GRM7: variants seen among roughly 807,000 people sequenced by gnomAD.
The protein encoded by GRM7 is metabotropic glutamate receptor 7.
A neutral mutation model predicts 84.5 loss-of-function variants in GRM7; 35 were observed. The ratio of observed to expected loss-of-function variants is 0.41; its 90% confidence interval spans 0.32 to 0.55. The LOEUF is 0.55. Ranked by LOEUF, GRM7 falls within the 20% of genes least tolerant of loss-of-function variation. The probability of loss-of-function intolerance (pLI) is 0.19; values close to 1 mark genes in which losing one functional copy is unlikely to be tolerated. For synonymous variants in GRM7, 487 were observed against 455.1 expected, an observed-to-expected ratio of 1.07 and a Z score of -0.89; for missense variants, 1,003 against 1,194.6, an observed-to-expected ratio of 0.84 and a Z score of 2.36.
At chr3:7,502,757 A>G (rs1228790015) in intron 7 of GRM7, among the ~76,000 whole-genome samples, 1 of 152,210 alleles carries the variant, frequency 6.6e-6, no homozygotes, top group African/African-American at 2.4e-5. Context: ...CTACTGGTCA[A>G]TAAGTAGCTA....
In GRM7 at chr3:7,321,935, C is replaced by T. The variant is rs551800977; in HGVS notation, c.1033+15283C>T. ...CTATGGTTAGGTTACACCTGGCCTC[C>T]ATATGTCAACATCAGTGTGAATGGC... On this transcript the variant is annotated intron_variant, in intron 4 of 9. Coordinates refer to ENST00000357716, the MANE Select transcript of GRM7 (RefSeq NM_000844.4). Among the ~76,000 whole-genome samples, 8 of 152,182 alleles carry T rather than the reference C, an allele frequency of 5.3e-5. No individual in the cohort carries two copies. The East Asian group carries it at 1.4e-3, about 26-fold the overall frequency.
At chr3:7,220,919 C>G (rs1351345139) in intron 2 of GRM7, among the ~76,000 whole-genome samples, 5 of 151,984 alleles carry the variant, frequency 3.3e-5, no homozygotes, top group African/African-American at 1.2e-4. Context: ...ATGGTGAAAC[C>G]CTGTCTCTAC....
intron 7 of GRM7, among the ~76,000 whole-genome samples, chr3:7,540,620 T>G (rs1164603299): frequency 1.3e-5 from 2 of 152,222 alleles, no homozygotes; most frequent in African/African-American, 4.8e-5. Flanking sequence ...TTTGCAGTGA[T>G]GAAATGTTCT....
intron 1 of GRM7, among the ~76,000 whole-genome samples, chr3:6,869,414 G>A (rs1178367984): frequency 6.6e-6 from 1 of 152,146 alleles, no homozygotes; most frequent in Non-Finnish European, 1.5e-5. Context: ...CTATGTTAAA[G>A]TTATCAGATG....
At chr3:6,879,722 T>C (rs1319500185) in intron 1 of GRM7, among the ~76,000 whole-genome samples, 1 of 152,202 alleles carries the variant, frequency 6.6e-6, no homozygotes, top group Non-Finnish European at 1.5e-5. Context: ...CTAGGAAGAA[T>C]TCTGGGAACC....
intron 1 of GRM7, among the ~76,000 whole-genome samples, chr3:7,066,617 C>T (rs1233882762): frequency 2.0e-5 from 3 of 151,858 alleles, no homozygotes; most frequent in African/African-American, 2.4e-5. Flanking sequence ...GGTACCAATC[C>T]TTTTGACACT....
At chr3:7,704,806 C>T (rs1341977492) in intron 9 of GRM7, among the ~76,000 whole-genome samples, 2 of 152,142 alleles carry the variant, frequency 1.3e-5, no homozygotes, top group Non-Finnish European at 2.9e-5. Context: ...TATCCTGGAG[C>T]TCCACAGGGC....
At chr3:7,482,156 C>T (rs1293257157) in intron 7 of GRM7, among the ~76,000 whole-genome samples, 4 of 152,136 alleles carry the variant, frequency 2.6e-5, no homozygotes, top group African/African-American at 9.7e-5. Context: ...CCACTGCACT[C>T]CAGCCTGGGT....
At chr3:7,692,603 A>G (rs984457262) in intron 9 of GRM7, among the ~76,000 whole-genome samples, 1 of 152,160 alleles carries the variant, frequency 6.6e-6, no homozygotes, top group Non-Finnish European at 1.5e-5. Context: ...AATTTTCACC[A>G]TATTTTCACT....
intron 1 of GRM7, among the ~76,000 whole-genome samples, chr3:6,886,325 C>CCA (rs1207950234): frequency 6.6e-6 from 1 of 151,900 alleles, no homozygotes; most frequent in Admixed American, 6.6e-5. Flanking sequence ...CATCACACAC[C>CCA]CACACACCGG....
At chr3:7,655,834 T>G (rs900680587) in intron 8 of GRM7, among the ~76,000 whole-genome samples, 7 of 152,206 alleles carry the variant, frequency 4.6e-5, no homozygotes, top group Non-Finnish European at 8.8e-5. Flanking sequence ...CATGCACTTT[T>G]CAGGAATTTT....
chr3:7,007,565 C>T (rs1046572068), intron 1 of GRM7, among the ~76,000 whole-genome samples: 11 of 152,162 alleles, frequency 7.2e-5, no homozygotes, highest in Non-Finnish European at 1.3e-4. Flanking sequence ...TCCCAGACAC[C>T]GCACCAATGC....
At chr3:7,627,051 T>A (rs989680804) in intron 8 of GRM7, among the ~76,000 whole-genome samples, 14 of 152,080 alleles carry the variant, frequency 9.2e-5, no homozygotes, top group African/African-American at 3.4e-4. Flanking sequence ...TCAGCCATAA[T>A]AAGGCTGTTG....
chr3:7,517,306 ATGTT>A (rs1209283499), intron 7 of GRM7, among the ~76,000 whole-genome samples: 1 of 152,170 alleles, frequency 6.6e-6, no homozygotes, highest in Non-Finnish European at 1.5e-5. Context: ...CAAACAGAAA[ATGTT>A]TGTATAAATA....
intron 9 of GRM7, among the ~76,000 whole-genome samples, chr3:7,693,278 A>G (rs546940278): frequency 2.0e-5 from 3 of 152,304 alleles, no homozygotes; most frequent in African/African-American, 7.2e-5. Flanking sequence ...TTGGCATGGA[A>G]ACATGAGCAA....
chr3:7,515,683 G>A (rs967235101), intron 7 of GRM7, among the ~76,000 whole-genome samples: 1 of 152,226 alleles, frequency 6.6e-6, no homozygotes, highest in East Asian at 1.9e-4. Flanking sequence ...CTGTCACCTT[G>A]AGGACTCACA....
intron 1 of GRM7, among the ~76,000 whole-genome samples, chr3:6,866,317 C>G (rs1694935989): frequency 6.6e-6 from 1 of 150,958 alleles, no homozygotes. Flanking sequence ...CTTAATTTTT[C>G]TAGGCTTCAT....
chr3:7,690,490 A>G (rs1700759020), intron 9 of GRM7, among the ~76,000 whole-genome samples: 2 of 152,204 alleles, frequency 1.3e-5, no homozygotes, highest in South Asian at 4.1e-4. Context: ...CACAAAGCCC[A>G]CCCTAAAAAT....
intron 4 of GRM7, among the ~76,000 whole-genome samples, chr3:7,351,000 C>T (rs1693116297): frequency 6.6e-6 from 1 of 152,004 alleles, no homozygotes; most frequent in Non-Finnish European, 1.5e-5. Flanking sequence ...ATTCTTATAT[C>T]AAAACTTCTG....
Sources: allele counts gnomAD v4.1 joint callset (sites outside exome capture counted in the v4.1 genomes callset), GRCh38; gene constraint gnomAD v4.1.1; transcripts MANE v1.5; gene names NCBI Gene and HGNC (gene_info 2026-07-23, HGNC 2026-07-21).